ROBO2: variants seen among roughly 807,000 people sequenced by gnomAD.
ROBO2 encodes the protein roundabout homolog 2.
A neutral mutation model predicts 160.8 loss-of-function variants in ROBO2; 53 were observed. That is an observed-to-expected ratio of 0.33 (90% CI 0.26 to 0.41). ROBO2 has a LOEUF of 0.41. Among genes scored for constraint, ROBO2 ranks in the 10% least tolerant of loss-of-function variants. ROBO2 has a pLI of 1.00. For synonymous variants in ROBO2, 664 were observed against 611.7 expected, an observed-to-expected ratio of 1.09 and a Z score of -1.26; for missense variants, 1,577 against 1,722.4, an observed-to-expected ratio of 0.92 and a Z score of 1.49.
intron 2 of ROBO2, among the ~76,000 whole-genome samples, chr3:76,696,504 A>G (rs1394206427): frequency 1.3e-5 from 2 of 152,016 alleles, no homozygotes; most frequent in African/African-American, 2.4e-5. Flanking sequence ...CCGATCATTT[A>G]ATGAACCATT....
At chr3:76,475,223 A>G (rs2078872041) in intron 2 of ROBO2, among the ~76,000 whole-genome samples, 1 of 152,152 alleles carries the variant, frequency 6.6e-6, no homozygotes, top group South Asian at 2.1e-4. Flanking sequence ...AGAGTAAGGC[A>G]TGGAAATGTC....
intron 2 of ROBO2, among the ~76,000 whole-genome samples, chr3:76,110,021 TTA>T (rs199662389): frequency 6.6e-6 from 1 of 151,074 alleles, no homozygotes; most frequent in Non-Finnish European, 1.5e-5. Context: ...AGTAGTATTG[TTA>T]TATATATATG....
chr3:76,620,062 G>A (rs1464745744), intron 2 of ROBO2, among the ~76,000 whole-genome samples: 2 of 152,034 alleles, frequency 1.3e-5, no homozygotes, highest in Non-Finnish European at 2.9e-5. Flanking sequence ...GTAGATACAG[G>A]GAATTATAAA....
At chr3:76,657,730 GAGTGTATATATATTCATATATA>G (rs1560319758) in intron 2 of ROBO2, among the ~76,000 whole-genome samples, 9 of 126,566 alleles carry the variant, frequency 7.1e-5, no homozygotes, top group African/African-American at 1.9e-4. Context: ...ATTCATATAT[GAGTGTATATATATTCATATATA>G]TGTATATATA....
intron 2 of ROBO2, among the ~76,000 whole-genome samples, chr3:77,330,873 G>T (rs889681264): frequency 6.6e-6 from 1 of 152,046 alleles, no homozygotes; most frequent in Non-Finnish European, 1.5e-5. Flanking sequence ...TTTTTTAAGG[G>T]TTAGCAATTC....
intron 2 of ROBO2, among the ~76,000 whole-genome samples, chr3:77,415,341 TA>T (rs761728685): frequency 1.3e-5 from 2 of 152,202 alleles, no homozygotes; most frequent in Non-Finnish European, 2.9e-5. Flanking sequence ...TATTTTTCTA[TA>T]AACATCAATG....
chr3:76,449,016 A>C (rs780457507), intron 2 of ROBO2, among the ~76,000 whole-genome samples: 2 of 152,182 alleles, frequency 1.3e-5, no homozygotes, highest in Non-Finnish European at 2.9e-5. Context: ...GGAAAAACGG[A>C]AATATAAATT....
At chr3:76,452,168 C>T (rs1168513661) in intron 2 of ROBO2, among the ~76,000 whole-genome samples, 1 of 151,886 alleles carries the variant, frequency 6.6e-6, no homozygotes, top group Non-Finnish European at 1.5e-5. Context: ...TCTCTTCCAA[C>T]TTATTTTTTT....
At chr3:76,443,443 T>A (rs565054478) in intron 2 of ROBO2, among the ~76,000 whole-genome samples, 3 of 152,274 alleles carry the variant, frequency 2.0e-5, no homozygotes, top group South Asian at 2.1e-4. Context: ...GTAGGGACTA[T>A]TTTACTAGTG....
chr3:77,563,068 T>G, intron 10 of ROBO2, 99 bp from the exon 12 acceptor site: 1 of 1,078,236 alleles, frequency 9.3e-7, no homozygotes, highest in East Asian at 2.5e-5. Flanking sequence ...AATTTCTCAC[T>G]GTCTAGGTCA....
At chr3:75,940,586 T>A (rs1312215524) in intron 2 of ROBO2, among the ~76,000 whole-genome samples, 3 of 152,104 alleles carry the variant, frequency 2.0e-5, no homozygotes, top group Non-Finnish European at 4.4e-5. Context: ...GAGAAAGTGT[T>A]TAACATCTGA....
chr3:76,811,722 T>A (rs1252789623), intron 2 of ROBO2, among the ~76,000 whole-genome samples: 2 of 152,010 alleles, frequency 1.3e-5, no homozygotes, highest in African/African-American at 4.8e-5. Flanking sequence ...TGCCTATATC[T>A]CATCTCCAGA....
intron 20 of ROBO2, 100 bp from the exon 22 acceptor site, chr3:77,607,698 C>A: frequency 9.6e-7 from 1 of 1,045,144 alleles, no homozygotes; most frequent in Non-Finnish European, 1.5e-6. Flanking sequence ...CTCCAACATA[C>A]TGATTCTGGT....
chr3:77,150,242 A>G (rs1463075122), intron 2 of ROBO2, among the ~76,000 whole-genome samples: 2 of 152,136 alleles, frequency 1.3e-5, no homozygotes, highest in African/African-American at 2.4e-5. Context: ...AGTGGAGATG[A>G]CGGATGTGAC....
At chr3:76,239,737 C>T (rs1264234257) in intron 2 of ROBO2, among the ~76,000 whole-genome samples, 1 of 152,124 alleles carries the variant, frequency 6.6e-6, no homozygotes, top group Non-Finnish European at 1.5e-5. Context: ...TGACACTTAC[C>T]TAAATCCTGG....
intron 2 of ROBO2, among the ~76,000 whole-genome samples, chr3:76,628,667 C>T (rs1331686736): frequency 6.6e-6 from 1 of 152,110 alleles, no homozygotes; most frequent in Non-Finnish European, 1.5e-5. Context: ...ATCTGATATG[C>T]TTCTCTTTAA....
chr3:76,585,150 G>T (rs2085953322), intron 2 of ROBO2, among the ~76,000 whole-genome samples: 1 of 152,164 alleles, frequency 6.6e-6, no homozygotes, highest in South Asian at 2.1e-4. Context: ...TGGCCTTGCT[G>T]TCTTTCTGTT....
chr3:77,085,342 A>G (rs567965611), intron 1 of ROBO2, among the ~76,000 whole-genome samples: 14 of 152,274 alleles, frequency 9.2e-5, no homozygotes, highest in Middle Eastern at 3.4e-3. Flanking sequence ...AATTTTGTAA[A>G]CAGAGCTTAT....
At chr3:76,896,986 C>T (rs1034095802) in intron 2 of ROBO2, among the ~76,000 whole-genome samples, 14 of 152,092 alleles carry the variant, frequency 9.2e-5, no homozygotes, top group Admixed American at 6.6e-5. Flanking sequence ...GGGCTTATTC[C>T]ACTGTGTGGA....
Sources: gnomAD v4.1 joint callset for allele counts (sites outside exome capture counted in the v4.1 genomes callset) on GRCh38, gnomAD v4.1.1 for gene constraint, MANE v1.5 for transcripts, NCBI Gene and HGNC (gene_info 2026-07-23, HGNC 2026-07-21) for gene names.